The following SLC25A16 variants were observed in gnomAD, a reference collection of about 807,000 sequenced individuals.
SLC25A16 encodes the protein solute carrier family 25 member 16, also known as mitochondrial coenzyme A transporter SLC25A16.
SLC25A16 carries 39 observed loss-of-function variants against 41.5 expected under a neutral mutation model. The ratio of observed to expected loss-of-function variants is 0.94; its 90% CI spans 0.73 to 1.23. SLC25A16 has a LOEUF of 1.23. Ranked by LOEUF, SLC25A16 falls within the 50% of genes most tolerant of loss-of-function variation. The pLI, the probability that SLC25A16 is intolerant of heterozygous loss-of-function variation, is 0.00. For missense variants in SLC25A16, 421 were observed against 426.9 expected, an observed-to-expected ratio of 0.99 and a Z score of 0.12; for synonymous variants, 146 against 147.8, an observed-to-expected ratio of 0.99 and a Z score of 0.09.
intron 4 of SLC25A16, chr10:68,496,454 G>T (rs1175504890): frequency 1.0e-5 from 10 of 982,182 alleles, no homozygotes; most frequent in Middle Eastern, 5.2e-4. Flanking sequence ...GGTGGTAACA[G>T]CTTTCTTCTT....
In SLC25A16 at chr10:68,527,342, CCGCCAGGGCTGCCGCGGCCGT is replaced by C. The variant is rs777194064; in HGVS notation, c.13_33del (p.Thr5_Ala11del). Reference sequence around the variant, plus strand: ...GGCATTGCGGGAGGGGGATCGGCCGCCGCCAGGGCTGCCGCGGCCGTCGCCGCCGCCATCAGGACCAGGGTC... The same window carrying C: ...GGCATTGCGGGAGGGGGATCGGCCGCCGCCGCCGCCATCAGGACCAGGGTC... On this transcript the variant is annotated inframe_deletion, in exon 1 of 9. Coordinates refer to ENST00000609923, the MANE Select transcript of SLC25A16 (RefSeq NM_152707.4). The C allele has an allele frequency of 3.3e-6, 5 of 1,524,040 alleles. No individual in the cohort carries two copies. The highest frequency in any genetic ancestry group is 4.4e-6 in the Non-Finnish European group (5 of 1,138,408). 94.4% of individuals were successfully genotyped at this position (1,524,040 alleles called of 1,614,324 possible).
rs1219883450 is a variant in SLC25A16, at chr10:68,478,088, T to C, written c.*5344A>G. ...AACAGTGTATTACTGTATTAAAGTA[T>C]AGCATCATAGCTAAAAGAATAGGCT... On this transcript the variant is annotated 3_prime_UTR_variant, in exon 9 of 9. Coordinates refer to ENST00000609923, the MANE Select transcript of SLC25A16 (RefSeq NM_152707.4). The C allele has an allele frequency of 2.0e-5, 3 of 152,212 alleles. No individual in the cohort carries two copies. The highest frequency in any genetic ancestry group is 4.8e-5 in the African/African-American group (2 of 41,462). The allele number at this position is 152,212 out of a possible 1,614,324, so 9.4% of individuals were successfully genotyped here. A position where few individuals can be genotyped will look rare whatever the true frequency, so the allele number is the denominator to read the frequency against.
chr10:68,486,218 CAAAAAAACAAAACAAA>C (rs1178240332), intron 8 of SLC25A16, among the ~76,000 whole-genome samples: 3 of 49,916 alleles, frequency 6.0e-5, no homozygotes, highest in African/African-American at 2.8e-4. Context: ...GACTTTGTCT[CAAAAAAACAAAACAAA>C]AAAAAAAAAA....
At position 68,527,422 on chromosome 10, in the gene SLC25A16, A is replaced by G; in HGVS notation, c.-47T>C. On this transcript the variant is annotated 5_prime_UTR_variant, in exon 1 of 9. Coordinates refer to ENST00000609923, the MANE Select transcript of SLC25A16 (RefSeq NM_152707.4). Reference sequence around the variant, plus strand: ...AGCCTAGGTTGCCAACTTACAGAACACCGGACGGGACCATAGCCGGAACAG... The same window carrying G: ...AGCCTAGGTTGCCAACTTACAGAACGCCGGACGGGACCATAGCCGGAACAG... The G allele has an allele frequency of 7.1e-7, 1 of 1,414,554 alleles. No homozygotes were observed. Among genetic ancestry groups the G allele is most frequent in the Non-Finnish European group, 9.2e-7 (1 of 1,092,806 alleles). 87.6% of individuals were successfully genotyped at this position (1,414,554 alleles called of 1,614,324 possible). A position where few individuals can be genotyped will look rare whatever the true frequency, so the allele number is the denominator to read the frequency against.
In SLC25A16 at chr10:68,503,663, A is replaced by G. The variant is rs1173070967; in HGVS notation, c.390T>C (p.His130=). The change falls in exon 4 of 9, where the codon CAT becomes CAC. Residue 130 remains histidine (H), a synonymous_variant. Coordinates refer to ENST00000609923, the MANE Select transcript of SLC25A16 (RefSeq NM_152707.4). ...LITTKLGISG[H]VHRLMAGSMA... is the part of the protein sequence containing the mutation. ...TGGATCCAGCCATTAATCTGTGCACATGACCTGAAATTCCCAGCTTCGTAG... is the reference window on the plus strand; with the variant it reads ...TGGATCCAGCCATTAATCTGTGCACGTGACCTGAAATTCCCAGCTTCGTAG... The G allele has an allele frequency of 1.9e-6, 3 of 1,607,478 alleles. No individual in the cohort carries two copies. Among genetic ancestry groups the G allele is most frequent in the African/African-American group, 1.3e-5 (1 of 74,828 alleles).
intron 2 of SLC25A16, among the ~76,000 whole-genome samples, chr10:68,513,180 AT>A (rs72070583): frequency 0.11 from 16,264 of 145,648 alleles, 963 homozygotes; most frequent in South Asian, 0.25. Context: ...CCTACTCTCT[AT>A]TTTTTTTTTT....
At chr10:68,489,075 G>C (rs1410618659) in intron 6 of SLC25A16, among the ~76,000 whole-genome samples, 1 of 152,148 alleles carries the variant, frequency 6.6e-6, no homozygotes, top group Non-Finnish European at 1.5e-5. Flanking sequence ...TTCGAGATCA[G>C]CCTGACAAAC....
chr10:68,527,322 T>G lies in SLC25A16; in HGVS notation c.54A>C (p.Ala18=). Reference sequence around the variant, plus strand: ...CTCCGGCCCCTGCCGCCTGCGGCATTGCGGGAGGGGGATCGGCCGCCGCCA... The same window carrying G: ...CTCCGGCCCCTGCCGCCTGCGGCATGGCGGGAGGGGGATCGGCCGCCGCCA... The part of the protein sequence containing the change: ...AALAAADPPP[A]MPQAAGAGGP... Residue 18 remains alanine, a synonymous_variant, in exon 1 of 9, where the codon GCA becomes GCC. Coordinates refer to ENST00000609923, the MANE Select transcript of SLC25A16 (RefSeq NM_152707.4). The G allele has an allele frequency of 6.5e-7, 1 of 1,541,044 alleles. No homozygotes were observed. The highest frequency in any genetic ancestry group is 8.7e-7 in the Non-Finnish European group (1 of 1,143,692).
Position 68,516,747 on chromosome 10 carries a change from T to C in SLC25A16, c.223+4A>G. The C allele has an allele frequency of 1.9e-6, 3 of 1,559,190 alleles. No homozygotes were observed. Among genetic ancestry groups the C allele is most frequent in the Non-Finnish European group, 2.6e-6 (3 of 1,135,216 alleles). On this transcript the variant is annotated splice_donor_region_variant and intron_variant, in intron 2 of 8. Transcript: ENST00000609923. ...ATTTTTATCTTTAGCATCTATTAAC[T>C]CACCTAAATGCTTGTAATGGTGATT...
chr10:68,490,824 T>C (rs967272259), intron 6 of SLC25A16, among the ~76,000 whole-genome samples: 2 of 152,020 alleles, frequency 1.3e-5, no homozygotes, highest in East Asian at 1.9e-4. Flanking sequence ...CATAAAAGAA[T>C]AGATTGATGC....
chr10:68,507,394 T>A (rs1413097320), intron 2 of SLC25A16, among the ~76,000 whole-genome samples: 1 of 152,030 alleles, frequency 6.6e-6, no homozygotes, highest in Non-Finnish European at 1.5e-5. Flanking sequence ...ACTCTTTATC[T>A]GGAAGGATGA....
Position 68,480,935 on chromosome 10 carries a change from T to C in SLC25A16, c.*2497A>G, listed in dbSNP as rs1460429599. 1 of 151,680 alleles carries C rather than the reference T, an allele frequency of 6.6e-6. No homozygotes were observed. Among genetic ancestry groups the C allele is most frequent in the Non-Finnish European group, 1.5e-5 (1 of 67,930 alleles). The allele number at this position is 151,680 out of a possible 1,614,324, so 9.4% of individuals were successfully genotyped here. On this transcript the variant is annotated 3_prime_UTR_variant, in exon 9 of 9. Coordinates refer to ENST00000609923, the MANE Select transcript of SLC25A16 (RefSeq NM_152707.4). The stretch of plus-strand genomic sequence containing the variant: ...TTTTTTCTTTTATACAGTCTCTGTA[T>C]AAAAGAAATTTTTGTACAGCCTTTT...
At chr10:68,493,366 G>T (rs1261697901) in intron 5 of SLC25A16, 83 bp downstream of exon 5, 4 of 1,257,770 alleles carry the variant, frequency 3.2e-6, no homozygotes, top group South Asian at 1.3e-5. Flanking sequence ...ATAAGTAAAA[G>T]AATAATTACT....
Position 68,482,589 on chromosome 10 carries a change from T to C in SLC25A16, c.*843A>G, listed in dbSNP as rs2052496587. ...AAAACAAATCTATAGTGTTACTTTT[T>C]TTTTAAGAGCAAAGATATTCAGTAT... On this transcript the variant is annotated 3_prime_UTR_variant, in exon 9 of 9. Transcript: ENST00000609923. The C allele has an allele frequency of 6.6e-6, 1 of 152,460 alleles. No individual in the cohort carries two copies. The highest frequency in any genetic ancestry group is 2.1e-4 in the South Asian group (1 of 4,834). The allele number at this position is 152,460 out of a possible 1,614,324, so 9.4% of individuals were successfully genotyped here. A position where few individuals can be genotyped will look rare whatever the true frequency, so the allele number is the denominator to read the frequency against.
In SLC25A16 at chr10:68,527,303, C is replaced by A. The variant is rs925496040; in HGVS notation, c.73G>T (p.Ala25Ser). 1 of 1,544,888 alleles carries A rather than the reference C, an allele frequency of 6.5e-7. No individual in the cohort carries two copies. The highest frequency in any genetic ancestry group is 8.7e-7 in the Non-Finnish European group (1 of 1,144,822). ...TCTCTGCGGGTTGTGGGCCCTCCGG[C>A]CCCTGCCGCCTGCGGCATTGCGGGA... The part of the protein sequence containing the change: ...PPPAMPQAAG[A>S]GGPTTRRDFY... The change falls in exon 1 of 9, where the codon GCC becomes TCC. Residue 25 changes from alanine (A) to serine (S), a missense_variant. Physicochemically the swap from Ala to Ser is moderately conservative, Grantham distance 99. Transcript: ENST00000609923.
Position 68,527,265 on chromosome 10 carries a change from C to T in SLC25A16, c.111G>A (p.Leu37=), listed in dbSNP as rs954474652. The change falls in exon 1 of 9, where the codon CTG becomes CTA. Residue 37 remains leucine, a synonymous_variant. Coordinates refer to ENST00000609923, the MANE Select transcript of SLC25A16 (RefSeq NM_152707.4). ...ACCCACCTCCGGCCAGAAAGGAGCG[C>T]AGCCAGTAGAAGTCTCTGCGGGTTG... ...GPTTRRDFYW[L]RSFLAGGIAG... The T allele has an allele frequency of 1.3e-5, 20 of 1,548,520 alleles. No homozygotes were observed. The highest frequency in any genetic ancestry group is 1.7e-5 in the Non-Finnish European group (20 of 1,145,898).
At chr10:68,510,099 T>C (rs1007459870) in intron 2 of SLC25A16, among the ~76,000 whole-genome samples, 1 of 151,834 alleles carries the variant, frequency 6.6e-6, no homozygotes, top group Non-Finnish European at 1.5e-5. Flanking sequence ...AATACATAAA[T>C]AAAAGACAAG....
chr10:68,511,461 A>G (rs183162721), intron 2 of SLC25A16, among the ~76,000 whole-genome samples: 128 of 152,288 alleles, frequency 8.4e-4, no homozygotes, highest in African/African-American at 3.0e-3. Context: ...GTGAAATCTA[A>G]TATGAATGTG....
rs1461518296 is a variant in SLC25A16 at position 68,527,491 on chromosome 10, C to T, written c.-116G>A. 1.9e-6 allele frequency: 2 copies of T among 1,028,854 alleles called. No homozygotes were observed. Among genetic ancestry groups the T allele is most frequent in the African/African-American group, 3.4e-5 (2 of 58,192 alleles). 63.7% of individuals were successfully genotyped at this position (1,028,854 alleles called of 1,614,324 possible). A position where few individuals can be genotyped will look rare whatever the true frequency, so the allele number is the denominator to read the frequency against. ...CCGCCCCGCCGGCGGGGCAAAGTAACACCCGGCGGCGCGGCGCCGGCTGAT... is the reference window on the plus strand; with the variant it reads ...CCGCCCCGCCGGCGGGGCAAAGTAATACCCGGCGGCGCGGCGCCGGCTGAT... On this transcript the variant is annotated 5_prime_UTR_variant, in exon 1 of 9. Transcript: ENST00000609923.
Sources: gnomAD v4.1 joint callset for allele counts (sites outside exome capture counted in the v4.1 genomes callset) on GRCh38, gnomAD v4.1.1 for gene constraint, MANE v1.5 for transcripts, NCBI Gene and HGNC (gene_info 2026-07-23, HGNC 2026-07-21) for gene names.